Variants in CDH19 observed in about 807,000 individuals in gnomAD.
CDH19 encodes the protein cadherin 19, also known as cadherin-19.
In CDH19, 67 loss-of-function variants were observed where a neutral mutation model predicts 64.2. The observed-to-expected ratio is 1.04, with a 90% CI of 0.86 to 1.28. The LOEUF is 1.28. Among genes scored for constraint, CDH19 ranks in the 50% most tolerant of loss-of-function variants. CDH19 has a pLI of 0.00. For missense variants in CDH19, 1,030 were observed against 929.0 expected (o/e 1.11, Z -1.41); for synonymous variants, 346 against 319.3 (o/e 1.08, Z -0.89).
At chr18:66,598,531 C>T (rs899703076) in intron 1 of CDH19, among the ~76,000 whole-genome samples, 3 of 152,012 alleles carry the variant, frequency 2.0e-5, no homozygotes, top group African/African-American at 7.2e-5. Flanking sequence ...ATGTCCTTTG[C>T]CCCAATAGGA....
At chr18:66,600,541 T>A (rs1445624634) in intron 1 of CDH19, among the ~76,000 whole-genome samples, 1 of 151,906 alleles carries the variant, frequency 6.6e-6, no homozygotes, top group Non-Finnish European at 1.5e-5. Flanking sequence ...CACACACACG[T>A]ACACAAAATG....
At chr18:66,587,472 G>T (rs17738113) in intron 1 of CDH19, among the ~76,000 whole-genome samples, 170 of 151,828 alleles carry the variant, frequency 1.1e-3, no homozygotes, top group Middle Eastern at 0.01. Context: ...GGCTATGACT[G>T]GTATATAAAA....
In CDH19 at chr18:66,501,415, C is replaced by A. The variant is rs553880345; in HGVS notation, c.*3397G>T. Reference sequence around the variant, plus strand: ...TTTCTGAGGAAGTTGCAGCTGATCACCAACCTGAATGAAGTGATGTAATGG... The same window carrying A: ...TTTCTGAGGAAGTTGCAGCTGATCAACAACCTGAATGAAGTGATGTAATGG... On this transcript the variant is annotated 3_prime_UTR_variant, in exon 12 of 12. Transcript: ENST00000262150. 5 of 152,094 alleles carry A rather than the reference C, an allele frequency of 3.3e-5. No homozygotes were observed. Among genetic ancestry groups the A allele is most frequent in the African/African-American group, 1.2e-4 (5 of 41,390 alleles). 9.4% of individuals were successfully genotyped at this position (152,094 alleles called of 1,614,324 possible). A position where few individuals can be genotyped will look rare whatever the true frequency, so the allele number is the denominator to read the frequency against.
At chr18:66,601,988 C>A (rs1199192604) in intron 1 of CDH19, among the ~76,000 whole-genome samples, 1 of 151,930 alleles carries the variant, frequency 6.6e-6, no homozygotes, top group Non-Finnish European at 1.5e-5. Context: ...ACGTTCCATA[C>A]TTAGTTGTGT....
intron 7 of CDH19, 77 bp from the exon 8 acceptor site, chr18:66,535,184 T>C (rs1158978467): frequency 4.7e-6 from 4 of 852,070 alleles, no homozygotes; most frequent in Non-Finnish European, 6.6e-6. Flanking sequence ...CTTTAAGCAA[T>C]AAGACATCTT....
chr18:66,598,348 T>A (rs766487377), intron 1 of CDH19, among the ~76,000 whole-genome samples: 7 of 152,074 alleles, frequency 4.6e-5, no homozygotes, highest in Non-Finnish European at 8.8e-5. Flanking sequence ...AACTATATAT[T>A]TGAAGGAATA....
Position 66,504,174 on chromosome 18 carries a change from A to G in CDH19, c.*638T>C, listed in dbSNP as rs1024551759. 1.8e-4 allele frequency: 28 copies of G among 151,836 alleles called. No individual in the cohort carries two copies. The highest frequency in any genetic ancestry group is 2.5e-4 in the Non-Finnish European group (17 of 67,908). The allele number at this position is 151,836 out of a possible 1,614,324, so 9.4% of individuals were successfully genotyped here. ...CTGGTTTTATAAGGCTTTTATTCAT[A>G]CAAAAGTTCTGTGATCCCCAGAAAG... On this transcript the variant is annotated 3_prime_UTR_variant, in exon 12 of 12. Transcript: ENST00000262150.
intron 1 of CDH19, among the ~76,000 whole-genome samples, chr18:66,573,858 C>T (rs972501806): frequency 6.7e-6 from 1 of 148,510 alleles, no homozygotes; most frequent in Non-Finnish European, 1.5e-5. Context: ...AATATTAAAA[C>T]CAATTTCAAA....
At chr18:66,541,464 T>G (rs1986882992) in intron 7 of CDH19, among the ~76,000 whole-genome samples, 1 of 152,102 alleles carries the variant, frequency 6.6e-6, no homozygotes, top group African/African-American at 2.4e-5. Context: ...TTGGGGATCT[T>G]TTGCTTACAA....
At chr18:66,542,266 A>G (rs993702417) in intron 7 of CDH19, among the ~76,000 whole-genome samples, 2 of 152,154 alleles carry the variant, frequency 1.3e-5, no homozygotes, top group Non-Finnish European at 2.9e-5. Flanking sequence ...AACTGGAACT[A>G]TAATGGAAAA....
chr18:66,563,539 CA>C (rs1163676336), intron 3 of CDH19, among the ~76,000 whole-genome samples: 3 of 151,946 alleles, frequency 2.0e-5, no homozygotes, highest in African/African-American at 7.2e-5. Context: ...ATTTCTGCAA[CA>C]ATAAAACAGG....
intron 3 of CDH19, among the ~76,000 whole-genome samples, chr18:66,557,140 A>G (rs1186510111): frequency 6.6e-6 from 1 of 152,006 alleles, no homozygotes; most frequent in East Asian, 1.9e-4. Flanking sequence ...CTTATTCACA[A>G]TAGCAAAGAC....
intron 1 of CDH19, among the ~76,000 whole-genome samples, chr18:66,600,684 T>C (rs1347175815): frequency 1.3e-5 from 2 of 151,818 alleles, no homozygotes; most frequent in African/African-American, 4.8e-5. Context: ...ATCAAAGGAG[T>C]ATACACATGC....
intron 9 of CDH19, among the ~76,000 whole-genome samples, chr18:66,524,069 ATGT>A (rs1217309775): frequency 6.6e-6 from 1 of 152,146 alleles, no homozygotes; most frequent in Non-Finnish European, 1.5e-5. Context: ...AAAGACTAAC[ATGT>A]TGTCTAAAGT....
intron 7 of CDH19, 115 bp downstream of exon 7, chr18:66,543,856 C>T (rs1280758798): frequency 1.3e-6 from 1 of 768,138 alleles, no homozygotes; most frequent in Non-Finnish European, 2.0e-6. Flanking sequence ...GTACTCGAGC[C>T]TAGAAGACAG....
intron 2 of CDH19, among the ~76,000 whole-genome samples, chr18:66,568,935 T>C (rs1375937426): frequency 6.6e-6 from 1 of 151,760 alleles, no homozygotes; most frequent in Admixed American, 6.6e-5. Context: ...ATTTCATTAT[T>C]CTAAACAGAA....
Position 66,552,045 on chromosome 18 carries a change from C to A in CDH19, c.611-787G>T, listed in dbSNP as rs570323928. The stretch of plus-strand genomic sequence containing the variant: ...CATAAAGATGGAAACAATAGACACT[C>A]AGGACTACTAGAGAGGGGAAGGAGG... On this transcript the variant is annotated intron_variant, in intron 4 of 11. Coordinates refer to ENST00000262150, the MANE Select transcript of CDH19 (RefSeq NM_021153.4). 2.1e-4 allele frequency among the ~76,000 whole-genome samples: 32 copies of A among 151,884 alleles called. No individual in the cohort carries two copies. In the South Asian group the frequency reaches 6.0e-3, roughly 29 times the overall value.
At chr18:66,554,040 G>A (rs978557708) in intron 4 of CDH19, among the ~76,000 whole-genome samples, 3 of 151,962 alleles carry the variant, frequency 2.0e-5, no homozygotes, top group Admixed American at 6.6e-5. Flanking sequence ...GATGACTAAT[G>A]AGGCTGAGCA....
At chr18:66,567,744 T>A (rs1987960642) in intron 3 of CDH19, among the ~76,000 whole-genome samples, 1 of 151,734 alleles carries the variant, frequency 6.6e-6, no homozygotes. Flanking sequence ...CAGTATATTG[T>A]GCTACAAAAA....
Sources: gnomAD v4.1 joint callset for allele counts (sites outside exome capture counted in the v4.1 genomes callset) on GRCh38, gnomAD v4.1.1 for gene constraint, MANE v1.5 for transcripts, NCBI Gene and HGNC (gene_info 2026-07-23, HGNC 2026-07-21) for gene names.